WDPCP: variants seen among roughly 807,000 people sequenced by gnomAD.
The protein encoded by WDPCP is WD repeat-containing and planar cell polarity effector protein fritz homolog.
A neutral mutation model predicts 93.1 loss-of-function variants in WDPCP; 71 were observed. That is an observed-to-expected ratio of 0.76 (90% confidence interval 0.63 to 0.93). The LOEUF is 0.93. Ranked by LOEUF, WDPCP falls within the 40% of genes least tolerant of loss-of-function variation. The pLI is 0.00. For synonymous variants in WDPCP, 315 were observed against 315.0 expected (o/e 1.00, Z 0.00); for missense variants, 844 against 887.4 (o/e 0.95, Z 0.62).
chr2:63,532,301 A>G (rs1703916809), intron 1 of WDPCP, among the ~76,000 whole-genome samples: 1 of 152,242 alleles, frequency 6.6e-6, no homozygotes, highest in Non-Finnish European at 1.5e-5. Context: ...GATATTATCC[A>G]GGAGAACTTC....
chr2:63,820,695 G>C (rs1671005491), intron 1 of WDPCP, among the ~76,000 whole-genome samples: 1 of 152,036 alleles, frequency 6.6e-6, no homozygotes, highest in Non-Finnish European at 1.5e-5. Flanking sequence ...AAAAAAACGT[G>C]TGTTCTTTTT....
intron 1 of WDPCP, among the ~76,000 whole-genome samples, chr2:63,581,601 G>A (rs907202281): frequency 1.3e-5 from 2 of 152,136 alleles, no homozygotes; most frequent in Admixed American, 1.3e-4. Context: ...GCAATACTCA[G>A]ATCCTGACTA....
intron 14 of WDPCP, among the ~76,000 whole-genome samples, chr2:63,205,358 G>T (rs1676262205): frequency 6.6e-6 from 1 of 152,208 alleles, no homozygotes; most frequent in Admixed American, 6.5e-5. Context: ...TTCTATTTCT[G>T]TGAAGGATGT....
intron 2 of WDPCP, among the ~76,000 whole-genome samples, chr2:63,656,866 T>TAAA (rs141770298): frequency 0.043 from 6,536 of 152,302 alleles, 205 homozygotes; most frequent in Non-Finnish European, 0.063. Flanking sequence ...GTCTGCCTTT[T>TAAA]AAGACAAGAG....
chr2:63,525,766 G>T (rs1209681941), intron 1 of WDPCP, among the ~76,000 whole-genome samples: 1 of 152,194 alleles, frequency 6.6e-6, no homozygotes, highest in Non-Finnish European at 1.5e-5. Flanking sequence ...TGTGGGCCAA[G>T]GGAGGCAAGT....
intron 12 of WDPCP, among the ~76,000 whole-genome samples, chr2:63,340,643 G>T (rs192526198): frequency 6.6e-6 from 1 of 152,220 alleles, no homozygotes; most frequent in African/African-American, 2.4e-5. Context: ...TTCACTTGTT[G>T]CCAGGCAGAA....
intron 2 of WDPCP, among the ~76,000 whole-genome samples, chr2:63,700,318 GA>G (rs1445863441): frequency 4.0e-5 from 5 of 124,858 alleles, no homozygotes; most frequent in Non-Finnish European, 6.9e-5. Context: ...AAGAAAAAAA[GA>G]AAAAAATGCT....
At position 63,492,957 on chromosome 2, in the gene WDPCP, T is replaced by TAAAA; in HGVS notation, c.76-21_76-18dup. 6.2e-7 allele frequency: 1 copy of TAAAA among 1,604,988 alleles called. No individual in the cohort carries two copies. The highest frequency in any genetic ancestry group is 1.1e-5 in the South Asian group (1 of 90,750). On this transcript the variant is annotated splice_polypyrimidine_tract_variant and intron_variant, in intron 1 of 17. Coordinates refer to ENST00000272321, the MANE Select transcript of WDPCP (RefSeq NM_015910.7). ...ATCTCTATCCTGTTTAAAAAATAAT[T>TAAAA]AAAAAGAGGTGCCAATTAATTATCT...
intron 12 of WDPCP, among the ~76,000 whole-genome samples, chr2:63,362,277 T>TTGGGTGTGTCTGTG (rs1553362983): frequency 1.1e-5 from 1 of 94,132 alleles, no homozygotes; most frequent in South Asian, 4.4e-4. Context: ...TTTTTTTTGG[T>TTGGGTGTGTCTGTG]TGTGTGTGTG....
At chr2:63,834,194 A>G in the WDPCP span, among the ~76,000 whole-genome samples, 3 of 152,132 alleles carry the variant, frequency 2.0e-5, no homozygotes, top group African/African-American at 7.2e-5. Context: ...TACATATCAA[A>G]CAGCTGAACG....
chr2:63,605,937 A>G, intron 3 of WDPCP: 1 of 1,612,416 alleles, frequency 6.2e-7, no homozygotes, highest in Non-Finnish European at 8.5e-7. Context: ...TGTTATTTTC[A>G]GGGAGAGTTT....
At chr2:63,156,458 G>A (rs774301463) in intron 15 of WDPCP, among the ~76,000 whole-genome samples, 17 of 152,036 alleles carry the variant, frequency 1.1e-4, no homozygotes, top group Non-Finnish European at 2.2e-4. Context: ...CAATTGGGCC[G>A]GGAGCGGTGG....
chr2:63,537,725 A>C (rs1032173240), intron 1 of WDPCP, among the ~76,000 whole-genome samples: 1 of 152,158 alleles, frequency 6.6e-6, no homozygotes, highest in Non-Finnish European at 1.5e-5. Context: ...TTTCCCCAAC[A>C]TCAGGCCCCA....
intron 15 of WDPCP, among the ~76,000 whole-genome samples, chr2:63,162,784 T>C (rs1361387686): frequency 6.6e-6 from 1 of 152,106 alleles, no homozygotes; most frequent in Admixed American, 6.6e-5. Flanking sequence ...AAAAGTACTA[T>C]GCAAATAGTA....
chr2:63,593,105 T>C (rs1709231067), upstream of WDPCP: 1 of 152,642 alleles, frequency 6.6e-6, no homozygotes, highest in Non-Finnish European at 1.5e-5. Context: ...TTGTTGTTTT[T>C]TGTTTTTTTT....
At chr2:63,242,691 C>CT (rs1421600605) in intron 14 of WDPCP, among the ~76,000 whole-genome samples, 1 of 152,128 alleles carries the variant, frequency 6.6e-6, no homozygotes, top group Non-Finnish European at 1.5e-5. Flanking sequence ...CCCCAAATGG[C>CT]TTTTGCTTTT....
intron 14 of WDPCP, among the ~76,000 whole-genome samples, chr2:63,235,128 C>A (rs1679275719): frequency 6.6e-6 from 1 of 151,928 alleles, no homozygotes; most frequent in Non-Finnish European, 1.5e-5. Context: ...GAGAGAAGAT[C>A]CAAATAAGCA....
chr2:63,229,585 T>G (rs1464762807), intron 14 of WDPCP: 1 of 152,152 alleles, frequency 6.6e-6, no homozygotes, highest in African/African-American at 2.4e-5. Flanking sequence ...TTTAAGTCTT[T>G]AATCCATCTT....
At chr2:63,139,456 C>T (rs1471881975) in intron 17 of WDPCP, among the ~76,000 whole-genome samples, 2 of 152,172 alleles carry the variant, frequency 1.3e-5, no homozygotes, top group African/African-American at 4.8e-5. Context: ...TAGAAGTGTT[C>T]CCTGTTCACC....
Sources: gnomAD v4.1 joint callset for allele counts (sites outside exome capture counted in the v4.1 genomes callset) on GRCh38, gnomAD v4.1.1 for gene constraint, MANE v1.5 for transcripts, NCBI Gene and HGNC (gene_info 2026-07-23, HGNC 2026-07-21) for gene names.